The following ADAM2 variants were observed in gnomAD, a reference collection of about 807,000 sequenced individuals.
The protein encoded by ADAM2 is disintegrin and metalloproteinase domain-containing protein 2.
ADAM2 carries 101 observed loss-of-function variants against 99.3 expected under a neutral mutation model. That is an observed-to-expected ratio of 1.02 (90% CI 0.87 to 1.20). ADAM2 has a LOEUF of 1.20. Ranked by LOEUF, ADAM2 falls within the 50% of genes most tolerant of loss-of-function variation. The pLI, the probability that ADAM2 is intolerant of heterozygous loss-of-function variation, is 0.00. For missense variants in ADAM2, 948 were observed against 878.7 expected (o/e 1.08, Z -1.00); for synonymous variants, 323 against 287.6 (o/e 1.12, Z -1.25).
At chr8:39,818,258 A>G (rs1805033955) in intron 6 of ADAM2, among the ~76,000 whole-genome samples, 1 of 152,124 alleles carries the variant, frequency 6.6e-6, no homozygotes, top group Admixed American at 6.6e-5. Context: ...ATACAAGGTT[A>G]GTTTAATAAT....
intron 16 of ADAM2, 76 bp downstream of exon 16, chr8:39,755,652 C>G: frequency 8.9e-7 from 1 of 1,124,060 alleles, no homozygotes. Context: ...CTAGCCAGGG[C>G]AAGAGTGACA....
chr8:39,834,113 G>T, intron 2 of ADAM2, 114 bp from the exon 3 acceptor site: 1 of 564,030 alleles, frequency 1.8e-6, no homozygotes, highest in Admixed American at 3.4e-5. Flanking sequence ...TTTAATAAAA[G>T]GAGAAAAAAT....
intron 10 of ADAM2, among the ~76,000 whole-genome samples, chr8:39,781,895 G>A (rs2129584944): frequency 6.6e-6 from 1 of 152,290 alleles, no homozygotes; most frequent in Admixed American, 6.5e-5. Flanking sequence ...GGTCATAAAA[G>A]ATTCTGGAAA....
chr8:39,803,397 T>C (rs1201852358), intron 7 of ADAM2, among the ~76,000 whole-genome samples: 1 of 152,142 alleles, frequency 6.6e-6, no homozygotes, highest in Admixed American at 6.5e-5. Flanking sequence ...TCAAAACAAA[T>C]AGGGGATTCT....
At chr8:39,751,955 C>G (rs142549934) in intron 16 of ADAM2, among the ~76,000 whole-genome samples, 2,371 of 152,218 alleles carry the variant, frequency 0.016, 61 homozygotes, top group African/African-American at 0.055. Flanking sequence ...GCCTCAGCCT[C>G]TCAAGTAACT....
intron 7 of ADAM2, among the ~76,000 whole-genome samples, chr8:39,798,004 T>C (rs564801252): frequency 9.2e-5 from 14 of 152,264 alleles, no homozygotes; most frequent in African/African-American, 3.4e-4. Flanking sequence ...CTTCACTTAC[T>C]CTCTTTTTAT....
chr8:39,769,218 A>C (rs2129584228), intron 12 of ADAM2, among the ~76,000 whole-genome samples, 174 bp downstream of exon 12: 1 of 152,324 alleles, frequency 6.6e-6, no homozygotes, highest in Non-Finnish European at 1.5e-5. Context: ...GCACTGAAGC[A>C]CTACACCAAT....
chr8:39,747,983 T>A (rs1823543363), intron 18 of ADAM2, among the ~76,000 whole-genome samples: 1 of 152,160 alleles, frequency 6.6e-6, no homozygotes, highest in Admixed American at 6.6e-5. Context: ...GGGAGCTAAA[T>A]GTTTTTTATT....
intron 14 of ADAM2, among the ~76,000 whole-genome samples, chr8:39,762,791 C>T (rs1802420552): frequency 6.6e-6 from 1 of 152,056 alleles, no homozygotes; most frequent in South Asian, 2.1e-4. Context: ...CTAGCCAGCC[C>T]CACAATCTGA....
At chr8:39,799,525 A>T (rs1193455574) in intron 7 of ADAM2, among the ~76,000 whole-genome samples, 25 of 152,220 alleles carry the variant, frequency 1.6e-4, no homozygotes, top group Admixed American at 1.6e-3. Context: ...TTTAGGGTAG[A>T]GAGTTCTGTA....
intron 20 of ADAM2, among the ~76,000 whole-genome samples, chr8:39,744,611 A>G (rs976900143): frequency 6.6e-6 from 1 of 152,070 alleles, no homozygotes; most frequent in South Asian, 2.1e-4. Flanking sequence ...AGGGAGGGGA[A>G]CATCACACAC....
chr8:39,769,934 C>CT lies in ADAM2; in HGVS notation c.1029-360dup, dbSNP rs1345416553. 1.5e-3 allele frequency among the ~76,000 whole-genome samples: 214 copies of CT among 138,140 alleles called. 1 individual carries two copies. Among genetic ancestry groups the CT allele is most frequent in the Admixed American group, 4.5e-3 (57 of 12,692 alleles). 90.6% of individuals were successfully genotyped at this position (138,140 alleles called of 152,430 possible). ...GTATTAATAAAGAAAACAGGCTTTT[C>CT]TTTTTTTTCTTTTTTCTTTTTTTTT... is the stretch of plus-strand genomic sequence containing the variant. On this transcript the variant is annotated intron_variant, in intron 11 of 20. Coordinates refer to ENST00000265708, the MANE Select transcript of ADAM2 (RefSeq NM_001464.5).
intron 4 of ADAM2, among the ~76,000 whole-genome samples, chr8:39,823,909 G>T (rs1057320785): frequency 3.3e-5 from 5 of 152,068 alleles, no homozygotes; most frequent in Non-Finnish European, 5.9e-5. Context: ...CAAAACACTT[G>T]ATTGAGTCGC....
At chr8:39,781,287 G>GTT (rs1385960029) in intron 10 of ADAM2, among the ~76,000 whole-genome samples, 4 of 152,088 alleles carry the variant, frequency 2.6e-5, no homozygotes, top group African/African-American at 9.7e-5. Flanking sequence ...TTGTGTGTGT[G>GTT]TGCGCATGTG....
intron 10 of ADAM2, 82 bp from the exon 11 acceptor site, chr8:39,777,243 G>A (rs1427579559): frequency 8.7e-7 from 1 of 1,153,902 alleles, no homozygotes; most frequent in African/African-American, 1.6e-5. Flanking sequence ...AAGATCACAT[G>A]ATAAAATGGA....
At chr8:39,752,970 G>A (rs188255519) in intron 16 of ADAM2, among the ~76,000 whole-genome samples, 26 of 152,212 alleles carry the variant, frequency 1.7e-4, no homozygotes, top group Non-Finnish European at 3.1e-4. Flanking sequence ...AACAGCATGA[G>A]AACAGACTAA....
chr8:39,758,216 C>T (rs773595024), intron 15 of ADAM2, among the ~76,000 whole-genome samples: 34 of 151,580 alleles, frequency 2.2e-4, no homozygotes, highest in Non-Finnish European at 3.5e-4. Context: ...GACTGACAGG[C>T]TTGAGAGGTA....
intron 7 of ADAM2, among the ~76,000 whole-genome samples, chr8:39,808,387 A>G (rs1296212963): frequency 2.0e-5 from 3 of 152,214 alleles, no homozygotes; most frequent in Admixed American, 6.5e-5. Context: ...GGACTCATAT[A>G]CTGAAAAACT....
intron 6 of ADAM2, among the ~76,000 whole-genome samples, chr8:39,814,363 A>G (rs1184582833): frequency 6.6e-6 from 1 of 151,944 alleles, no homozygotes; most frequent in Admixed American, 6.6e-5. Context: ...TGTCTCAGAA[A>G]AAAAAAAAAA....
Sources: allele counts gnomAD v4.1 joint callset (sites outside exome capture counted in the v4.1 genomes callset), GRCh38; gene constraint gnomAD v4.1.1; transcripts MANE v1.5; gene names NCBI Gene and HGNC (gene_info 2026-07-23, HGNC 2026-07-21).